The following KANSL1 variants were observed in gnomAD, a reference collection of about 807,000 sequenced individuals.
KANSL1 encodes KAT8 regulatory NSL complex subunit 1.
A neutral mutation model predicts 103.6 loss-of-function variants in KANSL1; 22 were observed. The ratio of observed to expected loss-of-function variants is 0.21; its 90% CI spans 0.15 to 0.30. The LOEUF (loss-of-function observed/expected upper bound fraction) is 0.30. Among genes scored for constraint, KANSL1 ranks in the 10% least tolerant of loss-of-function variants. The probability of loss-of-function intolerance (pLI) is 1.00; values close to 1 mark genes in which losing one functional copy is unlikely to be tolerated. For missense variants in KANSL1, 1,337 were observed against 1,399.8 expected (o/e 0.96, Z 0.72); for synonymous variants, 600 against 527.6 (o/e 1.14, Z -1.88).
Position 46,171,343 on chromosome 17 carries a change from C to T in KANSL1, c.801G>A (p.Lys267=). Reference sequence around the variant, plus strand: ...TGAAAAGAATGGAAGACAGGGGAGACTTTTTACCCTCCAATTTGACACCCC... The same window carrying T: ...TGAAAAGAATGGAAGACAGGGGAGATTTTTTACCCTCCAATTTGACACCCC... ...NLGGVKLEGK[K]SPLSSILFSA... The change falls in exon 2 of 15, where the codon AAG becomes AAA. Residue 267 remains lysine, a synonymous_variant. Coordinates refer to ENST00000432791, the MANE Select transcript of KANSL1 (RefSeq NM_015443.4). 6.2e-7 allele frequency: 1 copy of T among 1,614,136 alleles called. No homozygotes were observed. Among genetic ancestry groups the T allele is most frequent in the Non-Finnish European group, 8.5e-7 (1 of 1,180,040 alleles).
At chr17:46,035,977 T>C (rs573817501) in intron 10 of KANSL1, 2 of 151,338 alleles carry the variant, frequency 1.3e-5, no homozygotes, top group East Asian at 3.9e-4. Flanking sequence ...AGAATAAAAC[T>C]GGTTCCCAAA....
rs72836333 is a variant in KANSL1, at chr17:46,192,815, G to C, written c.-90+8C>G. On this transcript the variant is annotated splice_region_variant and intron_variant, in intron 1 of 14. Coordinates refer to ENST00000432791, the MANE Select transcript of KANSL1 (RefSeq NM_015443.4). ...GAGGAGGAGGAGAGGAGCAGCAGCA[G>C]CACCTACCACGTGATGGAGGAGCGT... 1.3e-5 allele frequency: 2 copies of C among 156,356 alleles called. No homozygotes were observed. The highest frequency in any genetic ancestry group is 1.9e-4 in the East Asian group (1 of 5,216). 9.7% of individuals were successfully genotyped at this position (156,356 alleles called of 1,614,324 possible). A position where few individuals can be genotyped will look rare whatever the true frequency, so the allele number is the denominator to read the frequency against.
intron 1 of KANSL1, among the ~76,000 whole-genome samples, chr17:46,176,933 T>A (rs544239504): frequency 6.1e-4 from 93 of 152,154 alleles, no homozygotes; most frequent in African/African-American, 2.2e-3. Flanking sequence ...TCCGAAAAAA[T>A]TCCCATTCCT....
chr17:46,192,158 T>C (rs1408063473), intron 1 of KANSL1, among the ~76,000 whole-genome samples: 1 of 152,204 alleles, frequency 6.6e-6, no homozygotes, highest in Non-Finnish European at 1.5e-5. Context: ...CGAGGATTTT[T>C]AAGTAAGACA....
At chr17:46,200,067 C>CACA (rs571952343) in intron 1 of KANSL1, among the ~76,000 whole-genome samples, 173 of 118,194 alleles carry the variant, frequency 1.5e-3, no homozygotes, top group African/African-American at 4.8e-3. Context: ...ACACACACAC[C>CACA]CTGATTATTT....
intron 6 of KANSL1, among the ~76,000 whole-genome samples, chr17:46,050,965 A>C (rs1426510282): frequency 6.6e-6 from 1 of 152,228 alleles, no homozygotes; most frequent in Non-Finnish European, 1.5e-5. Context: ...TGAAGCTCTA[A>C]GTGCTTACCT....
At chr17:46,057,176 G>C (rs980105582) in intron 6 of KANSL1, among the ~76,000 whole-genome samples, 9 of 152,134 alleles carry the variant, frequency 5.9e-5, no homozygotes, top group African/African-American at 2.2e-4. Flanking sequence ...AGCCTGAAGA[G>C]AGCTTCCCCT....
At chr17:46,210,618 T>C (rs904686869) in intron 1 of KANSL1, among the ~76,000 whole-genome samples, 1 of 151,936 alleles carries the variant, frequency 6.6e-6, no homozygotes, top group African/African-American at 2.4e-5. Context: ...AAACAGAAGA[T>C]TGAAAATTTT....
intron 8 of KANSL1, 137 bp downstream of exon 8, chr17:46,039,565 G>T: frequency 2.2e-6 from 2 of 903,258 alleles, no homozygotes; most frequent in Non-Finnish European, 1.6e-6. Context: ...AGCAGAAGCA[G>T]TCACTGTGAG....
rs17585082 is a variant in KANSL1 at position 46,152,421 on chromosome 17, A to C, written c.1289+18434T>G. Among the ~76,000 whole-genome samples, 1,319 of 152,346 alleles carry C rather than the reference A, an allele frequency of 8.7e-3. 4 individuals carry two copies. Among genetic ancestry groups the C allele is most frequent in the Non-Finnish European group, 0.014 (979 of 68,022 alleles). The stretch of plus-strand genomic sequence containing the variant: ...AACAACAGAATACTTTTTGAAGACG[A>C]ATCAGCTATATTACAACTATGAAGC... On this transcript the variant is annotated intron_variant, in intron 2 of 14. Coordinates refer to ENST00000432791, the MANE Select transcript of KANSL1 (RefSeq NM_015443.4).
At chr17:46,038,988 G>C (rs1476552024) in intron 9 of KANSL1, 39 bp downstream of exon 9, 1 of 1,590,684 alleles carries the variant, frequency 6.3e-7, no homozygotes, top group Admixed American at 1.9e-5. Context: ...CCCTGAGCAG[G>C]TGCAGTTGCA....
At chr17:46,205,894 A>G (rs2047951433) in intron 1 of KANSL1, among the ~76,000 whole-genome samples, 1 of 152,036 alleles carries the variant, frequency 6.6e-6, no homozygotes, top group Admixed American at 6.5e-5. Context: ...ACTAGGCAAC[A>G]TGGCAAGAAC....
At chr17:46,051,369 G>A (rs1215598654) in intron 6 of KANSL1, among the ~76,000 whole-genome samples, 4 of 150,194 alleles carry the variant, frequency 2.7e-5, no homozygotes, top group Non-Finnish European at 6.0e-5. Context: ...TAGTCTTCAT[G>A]TTAGATTAAT....
At chr17:46,178,657 A>T (rs925466293) in intron 1 of KANSL1, among the ~76,000 whole-genome samples, 10 of 152,338 alleles carry the variant, frequency 6.6e-5, no homozygotes, top group African/African-American at 2.4e-4. Context: ...AGTTTCAAAG[A>T]AGTATTTTAG....
At chr17:46,047,274 G>A (rs8074761) in intron 7 of KANSL1, among the ~76,000 whole-genome samples, 16,489 of 152,236 alleles carry the variant, frequency 0.11, 1,238 homozygotes, top group Non-Finnish European at 0.16. Flanking sequence ...GTTATCTAAT[G>A]TTTGATCAAC....
At chr17:46,146,440 T>C (rs1439438695) in intron 2 of KANSL1, among the ~76,000 whole-genome samples, 2 of 152,188 alleles carry the variant, frequency 1.3e-5, no homozygotes, top group Admixed American at 6.5e-5. Flanking sequence ...TCCTCTACAC[T>C]GATCCTAAAT....
At chr17:46,156,693 A>C (rs2045448244) in intron 2 of KANSL1, 1 of 152,384 alleles carries the variant, frequency 6.6e-6, no homozygotes, top group Non-Finnish European at 1.5e-5. Context: ...CCTCCCAAGG[A>C]ACTCGGCCCA....
At chr17:46,038,465 T>C in intron 10 of KANSL1, 73 bp downstream of exon 10, 1 of 1,536,476 alleles carries the variant, frequency 6.5e-7, no homozygotes, top group Non-Finnish European at 8.9e-7. Context: ...ACCCTCACAC[T>C]GTCCTCTGGA....
intron 2 of KANSL1, among the ~76,000 whole-genome samples, chr17:46,098,015 A>G (rs193139286): frequency 4.7e-5 from 7 of 149,638 alleles, no homozygotes; most frequent in Non-Finnish European, 7.4e-5. Context: ...ACAGTTCCCT[A>G]ATTTTGATGG....
Sources: allele counts gnomAD v4.1 joint callset (sites outside exome capture counted in the v4.1 genomes callset), GRCh38; gene constraint gnomAD v4.1.1; transcripts MANE v1.5; gene names NCBI Gene and HGNC (gene_info 2026-07-23, HGNC 2026-07-21).